Variants in PLCL1 observed in about 807,000 individuals in gnomAD.
PLCL1 encodes the protein phospholipase C like 1 (inactive).
In PLCL1, 41 loss-of-function variants were observed where a neutral mutation model predicts 84.4. The observed-to-expected ratio is 0.49, with a 90% CI of 0.38 to 0.63. PLCL1 has a LOEUF of 0.63. Among genes scored for constraint, PLCL1 ranks in the 30% least tolerant of loss-of-function variants. The pLI is 0.00. For missense variants in PLCL1, 1,206 were observed against 1,367.8 expected (o/e 0.88, Z 1.87); for synonymous variants, 490 against 488.3 (o/e 1.00, Z -0.05).
At chr2:197,865,744 G>A (rs1357860682) in intron 1 of PLCL1, among the ~76,000 whole-genome samples, 2 of 151,584 alleles carry the variant, frequency 1.3e-5, no homozygotes, top group Non-Finnish European at 2.9e-5. Flanking sequence ...TGGACATAGT[G>A]GCTCACACCT....
intron 1 of PLCL1, among the ~76,000 whole-genome samples, chr2:197,831,872 G>A (rs967556514): frequency 4.0e-5 from 6 of 150,848 alleles, no homozygotes; most frequent in Admixed American, 2.0e-4. Context: ...ACTCAGAACC[G>A]CACTACATGG....
chr2:197,972,425 A>G (rs934529364), intron 1 of PLCL1, among the ~76,000 whole-genome samples: 4 of 152,172 alleles, frequency 2.6e-5, no homozygotes, highest in African/African-American at 9.7e-5. Flanking sequence ...TCCCCAAGAG[A>G]TGCGACCTTG....
intron 1 of PLCL1, among the ~76,000 whole-genome samples, chr2:197,823,691 A>T (rs1690864578): frequency 6.6e-6 from 1 of 152,154 alleles, no homozygotes; most frequent in Non-Finnish European, 1.5e-5. Flanking sequence ...TAGATGGGGC[A>T]GTTCCAGTGT....
intron 1 of PLCL1, among the ~76,000 whole-genome samples, chr2:198,049,164 T>A (rs1177627009): frequency 1.3e-5 from 2 of 152,194 alleles, no homozygotes; most frequent in African/African-American, 4.8e-5. Flanking sequence ...TGCACAGGTC[T>A]ACCTGGTTTG....
chr2:197,898,185 C>G (rs1044778361), intron 1 of PLCL1, among the ~76,000 whole-genome samples: 3 of 152,064 alleles, frequency 2.0e-5, no homozygotes, highest in Non-Finnish European at 4.4e-5. Flanking sequence ...GATCTGAACA[C>G]CAAGTGTAGT....
At chr2:197,978,219 G>C (rs1690026886) in intron 1 of PLCL1, among the ~76,000 whole-genome samples, 1 of 152,244 alleles carries the variant, frequency 6.6e-6, no homozygotes, top group African/African-American at 2.4e-5. Flanking sequence ...GCTCACGCCT[G>C]TAATCCCAGA....
chr2:197,884,366 C>T (rs1047410574), intron 1 of PLCL1, among the ~76,000 whole-genome samples: 2 of 152,210 alleles, frequency 1.3e-5, no homozygotes, highest in Non-Finnish European at 2.9e-5. Flanking sequence ...GTTGAGTTCT[C>T]TCTCTTTTAG....
At chr2:198,042,380 T>C (rs1421227297) in intron 1 of PLCL1, among the ~76,000 whole-genome samples, 1 of 152,212 alleles carries the variant, frequency 6.6e-6, no homozygotes, top group Non-Finnish European at 1.5e-5. Flanking sequence ...TTTAACATTA[T>C]TTTAGAAAGG....
intron 1 of PLCL1, among the ~76,000 whole-genome samples, chr2:198,018,564 C>T (rs1003351132): frequency 6.6e-6 from 1 of 152,202 alleles, no homozygotes; most frequent in African/African-American, 2.4e-5. Context: ...TCTACCATTA[C>T]TGAGGCTTGA....
intron 1 of PLCL1, among the ~76,000 whole-genome samples, chr2:198,015,175 T>G (rs1690968598): frequency 6.6e-6 from 1 of 152,158 alleles, no homozygotes; most frequent in African/African-American, 2.4e-5. Flanking sequence ...AACTGCATGT[T>G]GGTTATTTTA....
intron 1 of PLCL1, among the ~76,000 whole-genome samples, chr2:198,006,476 T>G (rs1690731174): frequency 6.6e-6 from 1 of 152,154 alleles, no homozygotes; most frequent in African/African-American, 2.4e-5. Context: ...CAGAGTGGAA[T>G]TTTCCTCTTA....
chr2:197,960,760 T>A (rs184239802), intron 1 of PLCL1, among the ~76,000 whole-genome samples: 1 of 152,182 alleles, frequency 6.6e-6, no homozygotes, highest in East Asian at 1.9e-4. Context: ...ACAAAACAGA[T>A]ACAAATTGTC....
intron 1 of PLCL1, among the ~76,000 whole-genome samples, chr2:197,897,667 A>C (rs1688181516): frequency 6.6e-6 from 1 of 152,210 alleles, no homozygotes; most frequent in South Asian, 2.1e-4. Flanking sequence ...TTAGTGACCA[A>C]AAACATAAAG....
At chr2:198,098,907 A>T (rs7572854) in intron 3 of PLCL1, among the ~76,000 whole-genome samples, 1 of 151,404 alleles carries the variant, frequency 6.6e-6, no homozygotes, top group Admixed American at 6.6e-5. Context: ...TTACTCTTAA[A>T]GGGTAACTTT....
chr2:197,914,798 C>T (rs1028537027), intron 1 of PLCL1, among the ~76,000 whole-genome samples: 2 of 152,152 alleles, frequency 1.3e-5, no homozygotes, highest in Non-Finnish European at 2.9e-5. Flanking sequence ...CAGTTCTTGT[C>T]TTTGGCTCAC....
rs749480472 is a variant in PLCL1, at chr2:198,142,564, TTTTAAA to T, written c.3106-4213_3106-4208del. On this transcript the variant is annotated intron_variant, in intron 5 of 5. Coordinates refer to ENST00000428675, the MANE Select transcript of PLCL1 (RefSeq NM_006226.4). ...TAAATATTCACTAATTATCACTCAT[TTTTAAA>T]TTCAGAATTTCTATAATGATCTCTG... Among the ~76,000 whole-genome samples, 61 of 152,304 alleles carry T rather than the reference TTTTAAA, an allele frequency of 4.0e-4. 1 individual carries two copies. The highest frequency in any genetic ancestry group is 3.4e-3 in the Middle Eastern group (1 of 294).
chr2:197,950,754 A>G (rs963789060), intron 1 of PLCL1, among the ~76,000 whole-genome samples: 12 of 152,180 alleles, frequency 7.9e-5, no homozygotes, highest in Non-Finnish European at 1.3e-4. Flanking sequence ...ACTAAATCTA[A>G]GTAGGCAGAA....
intron 1 of PLCL1, among the ~76,000 whole-genome samples, chr2:198,029,726 A>G (rs1419452808): frequency 6.9e-6 from 1 of 144,162 alleles, no homozygotes; most frequent in African/African-American, 2.6e-5. Context: ...TTTTTTTTTG[A>G]GACAGTCTCA....
intron 1 of PLCL1, among the ~76,000 whole-genome samples, chr2:198,039,307 A>G (rs1691609495): frequency 1.3e-5 from 2 of 152,192 alleles, no homozygotes; most frequent in African/African-American, 4.8e-5. Flanking sequence ...AGCTTATGCC[A>G]AGCAGCATGG....
Sources: gnomAD v4.1 joint callset for allele counts (sites outside exome capture counted in the v4.1 genomes callset) on GRCh38, gnomAD v4.1.1 for gene constraint, MANE v1.5 for transcripts, NCBI Gene and HGNC (gene_info 2026-07-23, HGNC 2026-07-21) for gene names.